EFNA5: variants seen among roughly 807,000 people sequenced by gnomAD.
EFNA5 encodes ephrin A5, also known as ephrin-A5.
EFNA5 carries 5 observed loss-of-function variants against 22.9 expected under a neutral mutation model. The observed-to-expected ratio is 0.22, with a 90% CI of 0.11 to 0.46. The LOEUF (loss-of-function observed/expected upper bound fraction) is 0.46, where lower values mean the gene tolerates loss of function less well. EFNA5 is among the 20% of genes least tolerant of loss of function. EFNA5 has a pLI of 0.99. For synonymous variants in EFNA5, 113 were observed against 112.2 expected, an observed-to-expected ratio of 1.01 and a Z score of -0.04; for missense variants, 237 against 293.3, an observed-to-expected ratio of 0.81 and a Z score of 1.40.
intron 1 of EFNA5, among the ~76,000 whole-genome samples, chr5:107,452,195 C>T (rs943913329): frequency 3.3e-5 from 5 of 152,016 alleles, no homozygotes; most frequent in Non-Finnish European, 7.4e-5. Context: ...GGGAACAACA[C>T]ACACCAGGGC....
chr5:107,553,812 A>T (rs1306682447), intron 1 of EFNA5, among the ~76,000 whole-genome samples: 2 of 152,148 alleles, frequency 1.3e-5, no homozygotes, highest in Non-Finnish European at 2.9e-5. Flanking sequence ...GGTCTAAATT[A>T]TATACACATT....
chr5:107,536,524 T>C (rs183464189), intron 1 of EFNA5, among the ~76,000 whole-genome samples: 20 of 152,360 alleles, frequency 1.3e-4, no homozygotes, highest in Non-Finnish European at 2.4e-4. Flanking sequence ...TTGTTTCTTA[T>C]ATTGCATGCC....
chr5:107,670,370 G>A (rs1751165426), intron 1 of EFNA5, 119 bp downstream of exon 1: 3 of 1,302,370 alleles, frequency 2.3e-6, no homozygotes, highest in South Asian at 3.5e-5. Context: ...GCGCCCGGGC[G>A]ACGCAGGCTC....
intron 1 of EFNA5, among the ~76,000 whole-genome samples, chr5:107,537,288 G>A (rs575045650): frequency 2.6e-5 from 4 of 152,068 alleles, no homozygotes; most frequent in Non-Finnish European, 4.4e-5. Context: ...GAGGTCAGGA[G>A]TTTGAGATCA....
At chr5:107,452,062 G>A (rs745539523) in intron 1 of EFNA5, among the ~76,000 whole-genome samples, 20 of 152,098 alleles carry the variant, frequency 1.3e-4, no homozygotes, top group Non-Finnish European at 1.8e-4. Context: ...GAATGAGATC[G>A]TGTCCTTGAT....
intron 2 of EFNA5, among the ~76,000 whole-genome samples, chr5:107,411,345 C>T (rs1440647136): frequency 1.3e-5 from 2 of 152,190 alleles, no homozygotes; most frequent in Non-Finnish European, 1.5e-5. Flanking sequence ...AAAAAAAATA[C>T]TCTGAAGAAC....
chr5:107,485,956 G>A (rs1344263349), intron 1 of EFNA5, among the ~76,000 whole-genome samples: 3 of 152,044 alleles, frequency 2.0e-5, no homozygotes, highest in Non-Finnish European at 4.4e-5. Flanking sequence ...AAGCGAGCAC[G>A]GCATATTTAG....
chr5:107,413,791 T>C (rs1222256471), intron 2 of EFNA5, among the ~76,000 whole-genome samples: 1 of 152,156 alleles, frequency 6.6e-6, no homozygotes, highest in Admixed American at 6.5e-5. Context: ...AATTTACAGG[T>C]AAAGCAATGA....
intron 1 of EFNA5, among the ~76,000 whole-genome samples, chr5:107,516,952 A>G (rs1371944349): frequency 6.6e-6 from 1 of 152,194 alleles, no homozygotes; most frequent in African/African-American, 2.4e-5. Context: ...GTATATAGAG[A>G]CAGAAAATAG....
At chr5:107,451,816 C>T (rs926888332) in intron 1 of EFNA5, among the ~76,000 whole-genome samples, 25 of 152,224 alleles carry the variant, frequency 1.6e-4, no homozygotes, top group Admixed American at 1.2e-3. Flanking sequence ...GACAGTATGG[C>T]GATTCCTCAA....
rs1747383760 is a variant in EFNA5 at position 107,379,801 on chromosome 5, A to G, written c.*1454T>C. The G allele has an allele frequency of 6.6e-6, 1 of 151,998 alleles. No homozygotes were observed. Among genetic ancestry groups the G allele is most frequent in the South Asian group, 2.1e-4 (1 of 4,828 alleles). 9.4% of individuals were successfully genotyped at this position (151,998 alleles called of 1,614,324 possible). On this transcript the variant is annotated 3_prime_UTR_variant, in exon 5 of 5. Transcript: ENST00000333274. Reference sequence around the variant, plus strand: ...AGATAGCCCCCATATTTCTAAATGTATCAAGGGATACCACTTTTTCTCACA... The same window carrying G: ...AGATAGCCCCCATATTTCTAAATGTGTCAAGGGATACCACTTTTTCTCACA...
At chr5:107,414,995 A>T (rs1037917244) in intron 2 of EFNA5, among the ~76,000 whole-genome samples, 4 of 152,226 alleles carry the variant, frequency 2.6e-5, no homozygotes, top group African/African-American at 9.6e-5. Flanking sequence ...TCACACATGG[A>T]TAAGAGCTAA....
chr5:107,641,340 A>C (rs1328200936), intron 1 of EFNA5, among the ~76,000 whole-genome samples: 1 of 138,928 alleles, frequency 7.2e-6, no homozygotes, highest in African/African-American at 2.6e-5. Flanking sequence ...CCTGGGCAAC[A>C]GAGTGAGACT....
chr5:107,662,204 CT>C (rs1213282532), intron 1 of EFNA5, among the ~76,000 whole-genome samples: 1 of 152,126 alleles, frequency 6.6e-6, no homozygotes, highest in Non-Finnish European at 1.5e-5. Flanking sequence ...CAACTCGTAC[CT>C]GAACTTTAAC....
chr5:107,529,448 T>C (rs912071743), intron 1 of EFNA5, among the ~76,000 whole-genome samples: 4 of 152,026 alleles, frequency 2.6e-5, no homozygotes, highest in Non-Finnish European at 4.4e-5. Context: ...CTGTCCAAAC[T>C]GGATTCTCAG....
intron 1 of EFNA5, among the ~76,000 whole-genome samples, chr5:107,438,257 A>T (rs1331147706): frequency 6.6e-6 from 1 of 152,172 alleles, no homozygotes. Context: ...AAGACTCACA[A>T]AAGGTTAAGC....
chr5:107,635,600 C>A (rs941400219), intron 1 of EFNA5, among the ~76,000 whole-genome samples: 5 of 152,210 alleles, frequency 3.3e-5, no homozygotes, highest in Non-Finnish European at 7.3e-5. Context: ...AAGAAGCAAT[C>A]TCCATGAAAC....
At chr5:107,403,716 T>C (rs1234216464) in intron 2 of EFNA5, among the ~76,000 whole-genome samples, 1 of 152,210 alleles carries the variant, frequency 6.6e-6, no homozygotes, top group African/African-American at 2.4e-5. Flanking sequence ...TTCAGTTCTA[T>C]TGTGAGATTT....
At chr5:107,558,603 G>A (rs1427292198) in intron 1 of EFNA5, among the ~76,000 whole-genome samples, 1 of 152,112 alleles carries the variant, frequency 6.6e-6, no homozygotes, top group East Asian at 1.9e-4. Flanking sequence ...CAAGAAAAAG[G>A]ATAGGAATGG....
Sources: gnomAD v4.1 joint callset for allele counts (sites outside exome capture counted in the v4.1 genomes callset) on GRCh38, gnomAD v4.1.1 for gene constraint, MANE v1.5 for transcripts, NCBI Gene and HGNC (gene_info 2026-07-23, HGNC 2026-07-21) for gene names.